The following REV1 variants were observed in gnomAD, a reference collection of about 807,000 sequenced individuals.
REV1 encodes translesion synthesis protein REV1.
In REV1, 42 loss-of-function variants were observed where a neutral mutation model predicts 137.4. The observed-to-expected ratio is 0.31, with a 90% confidence interval of 0.24 to 0.40. REV1 has a LOEUF of 0.40. Among genes scored for constraint, REV1 ranks in the 10% least tolerant of loss-of-function variants. The pLI, the probability that REV1 is intolerant of heterozygous loss-of-function variation, is 1.00. For missense variants in REV1, 1,282 were observed against 1,490.1 expected, an observed-to-expected ratio of 0.86 and a Z score of 2.30; for synonymous variants, 524 against 519.2, an observed-to-expected ratio of 1.01 and a Z score of -0.12.
chr2:99,486,587 T>G (rs1042382003), intron 1 of REV1, among the ~76,000 whole-genome samples: 11 of 152,088 alleles, frequency 7.2e-5, no homozygotes, highest in African/African-American at 2.7e-4. Context: ...CAATTATTAC[T>G]CACCATAATC....
Position 99,464,952 on chromosome 2 carries a change from C to T in REV1, c.24G>A (p.Lys8=). Residue 8 remains lysine, a synonymous_variant, in exon 2 of 23, where the codon AAG becomes AAA. Transcript: ENST00000258428. ...TTTCCCAGCCATCATTTTCAGCTCGCTTCCTCCATCCACCTCGCCTCATGG... is the reference window on the plus strand; with the variant it reads ...TTTCCCAGCCATCATTTTCAGCTCGTTTCCTCCATCCACCTCGCCTCATGG... MRRGGWR[K]RAENDGWETW... 6.2e-7 allele frequency: 1 copy of T among 1,613,528 alleles called. No individual in the cohort carries two copies. The highest frequency in any genetic ancestry group is 8.5e-7 in the Non-Finnish European group (1 of 1,179,668).
intron 11 of REV1, among the ~76,000 whole-genome samples, chr2:99,419,856 T>C (rs1004490963): frequency 1.3e-5 from 2 of 152,164 alleles, no homozygotes; most frequent in East Asian, 1.9e-4. Flanking sequence ...GGAAGACTTA[T>C]ATTGAGGACA....
At position 99,401,207 on chromosome 2, in the gene REV1, A is replaced by C. The variant is rs747843772; in HGVS notation, c.*34T>G. The C allele has an allele frequency of 9.6e-5, 125 of 1,298,404 alleles. No homozygotes were observed. The highest frequency in any genetic ancestry group is 1.3e-4 in the Non-Finnish European group (114 of 893,852). 80.4% of individuals were successfully genotyped at this position (1,298,404 alleles called of 1,614,324 possible). ...AATACCTCACAAGCACTTATGGCAC[A>C]GCTATCAGAGAGCATCAGGCTCTCT... On this transcript the variant is annotated 3_prime_UTR_variant, in exon 23 of 23. Transcript: ENST00000258428.
chr2:99,470,828 C>T (rs1685330804), intron 1 of REV1, among the ~76,000 whole-genome samples: 1 of 152,166 alleles, frequency 6.6e-6, no homozygotes, highest in Admixed American at 6.5e-5. Context: ...GTTCGGTGTA[C>T]TCTCATGGCA....
chr2:99,446,437 C>G (rs528534652), intron 4 of REV1, among the ~76,000 whole-genome samples: 1 of 152,104 alleles, frequency 6.6e-6, no homozygotes, highest in Non-Finnish European at 1.5e-5. Context: ...TCTCCCTAGG[C>G]GCATCTGGCA....
intron 1 of REV1, among the ~76,000 whole-genome samples, chr2:99,471,068 C>G (rs924477039): frequency 6.6e-6 from 1 of 152,298 alleles, no homozygotes; most frequent in Non-Finnish European, 1.5e-5. Flanking sequence ...AGTAGCATAA[C>G]ATAATTCATG....
At chr2:99,438,401 A>G (rs1247295522) in intron 6 of REV1, among the ~76,000 whole-genome samples, 200 bp downstream of exon 6, 1 of 152,238 alleles carries the variant, frequency 6.6e-6, no homozygotes, top group Non-Finnish European at 1.5e-5. Flanking sequence ...ATTTTCAGTC[A>G]GCCACAATTA....
At chr2:99,409,858 C>CA (rs929541310) in intron 14 of REV1, among the ~76,000 whole-genome samples, 6 of 128,952 alleles carry the variant, frequency 4.7e-5, no homozygotes, top group South Asian at 3.1e-4. Context: ...AAACAACCCC[C>CA]CCCCCCCCCA....
chr2:99,434,346 A>G lies in REV1; in HGVS notation c.1424T>C (p.Leu475Pro). The change falls in exon 8 of 23, where the codon CTG becomes CCG. Residue 475 changes from leucine to proline, a missense_variant. Physicochemically the swap from Leu to Pro is moderately conservative, Grantham distance 98. Around this residue, in one of 7 missense-constraint regions of REV1, gnomAD observed 432 missense variants for 438.0 expected, o/e 0.99. Transcript: ENST00000258428. ...CTCATTTGTACCTGCTTTGCCTTTC[A>G]GGATTTTATTCTGGTAATACTGCCA... ...LEWQYYQNKILKGKAADIPDS... is the reference protein window; with the variant it reads ...LEWQYYQNKIPKGKAADIPDS... 1 of 1,605,108 alleles carries G rather than the reference A, an allele frequency of 6.2e-7. No individual in the cohort carries two copies. The highest frequency in any genetic ancestry group is 8.5e-7 in the Non-Finnish European group (1 of 1,176,024).
chr2:99,470,888 G>A (rs901320972), intron 1 of REV1, among the ~76,000 whole-genome samples: 14 of 152,174 alleles, frequency 9.2e-5, no homozygotes, highest in African/African-American at 2.9e-4. Flanking sequence ...AAATGGCCTT[G>A]CTGAGGAAAT....
At chr2:99,436,780 G>A (rs1191631706) in intron 6 of REV1, 1 of 152,064 alleles carries the variant, frequency 6.6e-6, no homozygotes, top group Non-Finnish European at 1.5e-5. Flanking sequence ...GGTCCTCTAA[G>A]ATACACAAAT....
rs149795427 is a variant in REV1, at chr2:99,449,302, A to C, written c.350+34T>G. 1.7e-3 allele frequency: 2,176 copies of C among 1,259,210 alleles called. 5 individuals are homozygous for C. The highest frequency in any genetic ancestry group is 2.1e-3 in the Non-Finnish European group (2,008 of 947,584). The allele number at this position is 1,259,210 out of a possible 1,614,324, so 78.0% of individuals were successfully genotyped here. On this transcript the variant is annotated intron_variant, in intron 4 of 22. Transcript: ENST00000258428. ...AAATAAAAAGTATTCTAACTTTAAA[A>C]ATTTATTAATTAAATTTAATAAATT...
chr2:99,488,159 G>A lies in REV1; in HGVS notation c.-11+1658C>T, dbSNP rs1192726882. On this transcript the variant is annotated intron_variant, in intron 1 of 22. Coordinates refer to ENST00000258428, the MANE Select transcript of REV1 (RefSeq NM_016316.4). ...AAGTGCTTTCAAATATATATTATAT[G>A]TAGTCACTGCAACTTCTTATGAATA... Among the ~76,000 whole-genome samples, 14 of 118,900 alleles carry A rather than the reference G, an allele frequency of 1.2e-4. 4 individuals are homozygous for A. Among genetic ancestry groups the A allele is most frequent in the African/African-American group, 4.2e-4 (14 of 33,254 alleles). The allele number at this position is 118,900 out of a possible 152,430, so 78.0% of individuals were successfully genotyped here. A position where few individuals can be genotyped will look rare whatever the true frequency, so the allele number is the denominator to read the frequency against.
intron 3 of REV1, among the ~76,000 whole-genome samples, chr2:99,450,605 C>T (rs925008775): frequency 4.6e-5 from 7 of 152,174 alleles, no homozygotes; most frequent in African/African-American, 1.7e-4. Context: ...CAAAATTTGA[C>T]ATTACTGATT....
At chr2:99,437,503 C>T (rs1444233182) in intron 6 of REV1, among the ~76,000 whole-genome samples, 2 of 152,120 alleles carry the variant, frequency 1.3e-5, no homozygotes, top group African/African-American at 2.4e-5. Context: ...AGAAATGATT[C>T]ATAAAATAAT....
chr2:99,428,608 T>TA lies in REV1; in HGVS notation c.1547+1231dup, dbSNP rs533037721. ...CTTTAAATAAAATAATTAGCAAATT[T>TA]AAAAAAAACTATTATGATTAGACGA... On this transcript the variant is annotated intron_variant, in intron 9 of 22. Transcript: ENST00000258428. 3.9e-3 allele frequency among the ~76,000 whole-genome samples: 596 copies of TA among 152,142 alleles called. 5 individuals carry two copies. Among genetic ancestry groups the TA allele is most frequent in the African/African-American group, 0.014 (566 of 41,484 alleles).
chr2:99,475,284 A>T (rs1685844623), intron 1 of REV1, among the ~76,000 whole-genome samples: 1 of 151,960 alleles, frequency 6.6e-6, no homozygotes, highest in South Asian at 2.1e-4. Flanking sequence ...GCAACTTAGA[A>T]CTTTTTAAAA....
At chr2:99,442,823 G>A (rs947816362) in intron 4 of REV1, among the ~76,000 whole-genome samples, 1 of 152,092 alleles carries the variant, frequency 6.6e-6, no homozygotes, top group Admixed American at 6.6e-5. Flanking sequence ...ATTCATGTCA[G>A]AAACTGTAAA....
chr2:99,476,152 C>A (rs749683092), intron 1 of REV1, among the ~76,000 whole-genome samples: 2 of 152,192 alleles, frequency 1.3e-5, no homozygotes, highest in Admixed American at 6.5e-5. Flanking sequence ...CAGTAAGAAT[C>A]CTAACCCAAA....
Sources: gnomAD v4.1 joint callset for allele counts (sites outside exome capture counted in the v4.1 genomes callset) on GRCh38, gnomAD v4.1.1 for gene constraint, gnomAD v4.1.1 regional missense constraint, MANE v1.5 for transcripts, NCBI Gene and HGNC (gene_info 2026-07-23, HGNC 2026-07-21) for gene names.